The following NEGR1 variants were observed in gnomAD, a reference collection of about 807,000 sequenced individuals.
NEGR1 encodes IgLON family member 4.
A neutral mutation model predicts 40.9 loss-of-function variants in NEGR1; 10 were observed. The ratio of observed to expected loss-of-function variants is 0.24; its 90% confidence interval spans 0.15 to 0.42. The LOEUF is 0.42. Among genes scored for constraint, NEGR1 ranks in the 10% least tolerant of loss-of-function variants. The pLI is 1.00. For missense variants in NEGR1, 352 were observed against 438.9 expected (o/e 0.80, Z 1.77); for synonymous variants, 185 against 166.8 (o/e 1.11, Z -0.84).
chr1:71,755,771 C>T (rs946386439), intron 3 of NEGR1, among the ~76,000 whole-genome samples: 4 of 152,132 alleles, frequency 2.6e-5, no homozygotes, highest in African/African-American at 4.8e-5. Context: ...CATATTATGT[C>T]TCTTCTGGCA....
rs559452169 is a variant in NEGR1 at position 71,526,560 on chromosome 1, T to G, written c.940+66257A>C. On this transcript the variant is annotated intron_variant, in intron 6 of 6. Transcript: ENST00000357731. ...CACCCACAGAGAGAGGTGGGAGTCA[T>G]CCTTGTTTCACTCTCTCCCTGTCCT... is the stretch of plus-strand genomic sequence containing the variant. 6.6e-5 allele frequency among the ~76,000 whole-genome samples: 10 copies of G among 151,584 alleles called. No homozygotes were observed. The South Asian group carries it at 1.5e-3, about 22-fold the overall frequency.
chr1:72,054,750 A>G (rs1224087458), intron 1 of NEGR1, among the ~76,000 whole-genome samples: 1 of 151,232 alleles, frequency 6.6e-6, no homozygotes, highest in East Asian at 1.9e-4. Context: ...CACATTTTTT[A>G]TACATAAAAT....
At chr1:71,993,862 G>T (rs1646477321) in intron 1 of NEGR1, among the ~76,000 whole-genome samples, 1 of 152,244 alleles carries the variant, frequency 6.6e-6, no homozygotes. Context: ...TTCTACTTGA[G>T]AGAGTAACCC....
At chr1:71,513,751 C>T (rs1003126476) in intron 6 of NEGR1, among the ~76,000 whole-genome samples, 1 of 152,120 alleles carries the variant, frequency 6.6e-6, no homozygotes. Flanking sequence ...CAGCTCCGGT[C>T]TACAGCTCCC....
In NEGR1 at chr1:71,592,960, T is replaced by C. The variant is rs768784952; in HGVS notation, c.797A>G (p.Asn266Ser). Residue 266 changes from asparagine to serine, a missense_variant, in exon 6 of 7, where the codon AAT (asparagine) becomes AGT (serine). Asn to Ser is a conservative substitution (Grantham distance 46, BLOSUM62 1). This residue lies in a region of NEGR1 where 184 missense variants were observed against 208.7 expected (regional missense o/e 0.88). Coordinates refer to ENST00000357731, the MANE Select transcript of NEGR1 (RefSeq NM_173808.3). The part of the protein sequence containing the change: ...EWYKGEKKLF[N>S]GQQGIIIQNF... ...TTGAATAATAATTCCTTGTTGGCCA[T>C]TGAAGAGCCTAGAAGACAAAATAAG... 19 of 1,609,524 alleles carry C rather than the reference T, an allele frequency of 1.2e-5. No individual in the cohort carries two copies. The highest frequency in any genetic ancestry group is 3.3e-5 in the South Asian group (3 of 90,950).
chr1:71,950,956 T>G (rs1051440456), intron 1 of NEGR1, among the ~76,000 whole-genome samples: 1 of 151,960 alleles, frequency 6.6e-6, no homozygotes, highest in African/African-American at 2.4e-5. Flanking sequence ...TTTCTTTTTG[T>G]TTTCTCTAAA....
chr1:71,496,702 T>C lies in NEGR1; in HGVS notation c.941-89132A>G, dbSNP rs184320200. On this transcript the variant is annotated intron_variant, in intron 6 of 6. Coordinates refer to ENST00000357731, the MANE Select transcript of NEGR1 (RefSeq NM_173808.3). ...TTGGGACAATTCTATAAAAACAGGA[T>C]GTTTGATTATCTCTTGTTCTGCTAA... is the stretch of plus-strand genomic sequence containing the variant. Among the ~76,000 whole-genome samples the C allele has an allele frequency of 9.4e-4, 143 of 152,178 alleles. No individual in the cohort carries two copies. In the East Asian group the frequency reaches 0.026, roughly 27 times the overall value.
intron 3 of NEGR1, among the ~76,000 whole-genome samples, chr1:71,765,737 A>G (rs1489434890): frequency 2.0e-5 from 3 of 152,100 alleles, no homozygotes; most frequent in African/African-American, 4.8e-5. Context: ...TATTCCTAAA[A>G]AGGTTTTCAT....
intron 4 of NEGR1, among the ~76,000 whole-genome samples, chr1:71,689,679 A>G (rs1653185253): frequency 6.6e-6 from 1 of 152,020 alleles, no homozygotes; most frequent in African/African-American, 2.4e-5. Context: ...TTCATTATTA[A>G]TCTTCATTAT....
At position 71,403,809 on chromosome 1, in the gene NEGR1, T is replaced by C. The variant is rs554282301; in HGVS notation, c.*3637A>G. ...ATATTTTACATCAGGTTATGAAATA[T>C]GGATGTTTTACTAAAAGACAGGAAG... On this transcript the variant is annotated 3_prime_UTR_variant, in exon 7 of 7. Coordinates refer to ENST00000357731, the MANE Select transcript of NEGR1 (RefSeq NM_173808.3). 7.9e-6 allele frequency: 3 copies of C among 379,896 alleles called. No homozygotes were observed. The highest frequency in any genetic ancestry group is 4.7e-6 in the Non-Finnish European group (1 of 212,508). The allele number at this position is 379,896 out of a possible 1,614,324, so 23.5% of individuals were successfully genotyped here. A position where few individuals can be genotyped will look rare whatever the true frequency, so the allele number is the denominator to read the frequency against.
At chr1:72,191,197 T>C (rs1283835291) in intron 1 of NEGR1, among the ~76,000 whole-genome samples, 1 of 151,762 alleles carries the variant, frequency 6.6e-6, no homozygotes, top group African/African-American at 2.4e-5. Flanking sequence ...TAACTAGAGA[T>C]CACATTGCTC....
intron 1 of NEGR1, among the ~76,000 whole-genome samples, chr1:72,190,343 A>G (rs1179895134): frequency 1.3e-5 from 2 of 151,620 alleles, no homozygotes; most frequent in African/African-American, 2.4e-5. Flanking sequence ...ATTTAGCATA[A>G]TAATTGTATA....
intron 1 of NEGR1, among the ~76,000 whole-genome samples, chr1:72,198,130 G>C (rs968243725): frequency 5.9e-5 from 9 of 152,104 alleles, no homozygotes; most frequent in African/African-American, 2.2e-4. Flanking sequence ...AACTGAAAAG[G>C]TACCTTCACT....
intron 1 of NEGR1, among the ~76,000 whole-genome samples, chr1:72,168,680 A>G (rs115309239): frequency 1.3e-5 from 2 of 152,058 alleles, no homozygotes; most frequent in African/African-American, 4.8e-5. Flanking sequence ...GCTTGAGCCC[A>G]GGTGTTCGAG....
At chr1:71,781,882 C>T (rs1249135838) in intron 2 of NEGR1, among the ~76,000 whole-genome samples, 1 of 152,168 alleles carries the variant, frequency 6.6e-6, no homozygotes, top group Non-Finnish European at 1.5e-5. Flanking sequence ...GATGCCAACT[C>T]TTTGATGTCC....
chr1:72,034,358 C>A (rs1646884457), intron 1 of NEGR1, among the ~76,000 whole-genome samples: 1 of 152,084 alleles, frequency 6.6e-6, no homozygotes, highest in African/African-American at 2.4e-5. Flanking sequence ...AATTGTATAT[C>A]TTTTTAGATG....
intron 1 of NEGR1, among the ~76,000 whole-genome samples, chr1:72,135,377 AAAAAAAAAAAAACAAAAAACAAAAAAC>A (rs1650415950): frequency 1.5e-3 from 2 of 1,344 alleles, no homozygotes; most frequent in Non-Finnish European, 7.0e-3. Context: ...CTCCGTCTCA[AAAAAAAAAAAAACAAAAAACAAAAAAC>A]AAAAAAAAAA....
intron 6 of NEGR1, among the ~76,000 whole-genome samples, chr1:71,449,469 T>A (rs2101325667): frequency 6.6e-6 from 1 of 152,350 alleles, no homozygotes; most frequent in Non-Finnish European, 1.5e-5. Flanking sequence ...CTAAGTTTTT[T>A]GATTTGGAAA....
intron 3 of NEGR1, among the ~76,000 whole-genome samples, chr1:71,746,975 A>T (rs937077430): frequency 1.8e-4 from 27 of 152,212 alleles, no homozygotes; most frequent in African/African-American, 6.3e-4. Context: ...AGGGTCACTG[A>T]AGTTTTCAGT....
Sources: gnomAD v4.1 joint callset for allele counts (sites outside exome capture counted in the v4.1 genomes callset) on GRCh38, gnomAD v4.1.1 for gene constraint, gnomAD v4.1.1 regional missense constraint, MANE v1.5 for transcripts, NCBI Gene and HGNC (gene_info 2026-07-23, HGNC 2026-07-21) for gene names.